Variants in AAK1 observed in about 807,000 individuals in gnomAD.
The protein encoded by AAK1 is AP2-associated protein kinase 1.
In AAK1, 37 loss-of-function variants were observed where a neutral mutation model predicts 116.0. That is an observed-to-expected ratio of 0.32 (90% CI 0.25 to 0.42). The LOEUF is 0.42. Ranked by LOEUF, AAK1 falls within the 10% of genes least tolerant of loss-of-function variation. The probability of loss-of-function intolerance (pLI) is 1.00; values close to 1 mark genes in which losing one functional copy is unlikely to be tolerated. For missense variants in AAK1, 919 were observed against 1,170.6 expected (o/e 0.79, Z 3.14); for synonymous variants, 458 against 439.9 (o/e 1.04, Z -0.51).
At chr2:69,526,866 G>A (rs555899423) in intron 9 of AAK1, among the ~76,000 whole-genome samples, 64 of 152,300 alleles carry the variant, frequency 4.2e-4, no homozygotes, top group Admixed American at 7.8e-4. Context: ...GCATTGCCTC[G>A]GGAAAGTAGC....
chr2:69,544,472 C>T lies in AAK1; in HGVS notation c.355G>A (p.Val119Ile). Residue 119 changes from valine to isoleucine, a missense_variant, in exon 4 of 22, where the codon GTA (valine) becomes ATA (isoleucine). This residue lies in a region of AAK1 where 317 missense variants were observed against 490.4 expected (regional missense o/e 0.65). Transcript: ENST00000409085. Reference protein sequence around the residue: ...SSINNVSSGDVWEVLILMDFC... With the variant: ...SSINNVSSGDIWEVLILMDFC... ...TCCATCAGAATGAGCACTTCCCATA[C>T]ATCACCGCTACTCACGTTGTTGATA... The T allele has an allele frequency of 6.2e-7, 1 of 1,613,826 alleles. No homozygotes were observed. Among genetic ancestry groups the T allele is most frequent in the Non-Finnish European group, 8.5e-7 (1 of 1,179,756 alleles).
At position 69,473,833 on chromosome 2, in the gene AAK1, A is replaced by G. The variant is rs968976028; in HGVS notation, c.*2036T>C. ...TTTATACATTCTTTCTATGTCCAGG[A>G]AAGAGAATACAATTCTGACCTGCAG... On this transcript the variant is annotated 3_prime_UTR_variant, in exon 22 of 22. Coordinates refer to ENST00000409085, the MANE Select transcript of AAK1 (RefSeq NM_014911.5). 4.1e-6 allele frequency: 4 copies of G among 985,714 alleles called. No individual in the cohort carries two copies. The highest frequency in any genetic ancestry group is 6.2e-5 in the Admixed American group (1 of 16,256). The allele number at this position is 985,714 out of a possible 1,614,324, so 61.1% of individuals were successfully genotyped here.
At chr2:69,516,134 T>A (rs2871964) in intron 12 of AAK1, among the ~76,000 whole-genome samples, 96,031 of 151,990 alleles carry the variant, frequency 0.63, 30,938 homozygotes, top group East Asian at 0.79. Context: ...AAACAATGCA[T>A]ATAAACCGGT....
intron 2 of AAK1, among the ~76,000 whole-genome samples, chr2:69,571,725 A>G (rs891695997): frequency 1.2e-4 from 18 of 152,252 alleles, no homozygotes; most frequent in Non-Finnish European, 2.1e-4. Context: ...CAGTACTTGC[A>G]TTAGTATACT....
chr2:69,575,301 G>A (rs1672260642), intron 2 of AAK1, among the ~76,000 whole-genome samples: 1 of 133,792 alleles, frequency 7.5e-6, no homozygotes, highest in Admixed American at 7.9e-5. Context: ...TTTGTCTCTG[G>A]TATAAAACCA....
chr2:69,541,374 G>T (rs1670714744), intron 5 of AAK1, among the ~76,000 whole-genome samples: 2 of 151,766 alleles, frequency 1.3e-5, no homozygotes, highest in South Asian at 4.2e-4. Flanking sequence ...GGGACTATAG[G>T]CATGCGCTAC....
chr2:69,619,870 G>T (rs1367158382), intron 2 of AAK1, among the ~76,000 whole-genome samples: 3 of 152,160 alleles, frequency 2.0e-5, no homozygotes, highest in African/African-American at 7.2e-5. Flanking sequence ...ATAACCAGAG[G>T]AGAAGAGTAA....
intron 2 of AAK1, among the ~76,000 whole-genome samples, chr2:69,642,575 C>T (rs1675788403): frequency 6.6e-6 from 1 of 152,038 alleles, no homozygotes; most frequent in African/African-American, 2.4e-5. Context: ...TGGCATAAAG[C>T]TTTACACTTT....
At chr2:69,506,967 T>TA (rs1676209239) in intron 15 of AAK1, among the ~76,000 whole-genome samples, 1 of 152,224 alleles carries the variant, frequency 6.6e-6, no homozygotes, top group East Asian at 1.9e-4. Flanking sequence ...TCTTTCTGTG[T>TA]AGTACAGTAA....
Position 69,464,585 on chromosome 2 carries a change from T to C in AAK1, c.*11284A>G, listed in dbSNP as rs1296297672. 6.6e-6 allele frequency: 1 copy of C among 152,604 alleles called. No homozygotes were observed. The highest frequency in any genetic ancestry group is 6.5e-5 in the Admixed American group (1 of 15,280). The allele number at this position is 152,604 out of a possible 1,614,324, so 9.5% of individuals were successfully genotyped here. A position where few individuals can be genotyped will look rare whatever the true frequency, so the allele number is the denominator to read the frequency against. ...AAACACCAAAAAACGAGTGATTTCA[T>C]TGTGGAGGTAGGCATGATGGGGCAG... On this transcript the variant is annotated 3_prime_UTR_variant, in exon 22 of 22. Coordinates refer to ENST00000409085, the MANE Select transcript of AAK1 (RefSeq NM_014911.5).
At chr2:69,602,427 ATATAAT>A (rs1189169212) in intron 2 of AAK1, among the ~76,000 whole-genome samples, 4 of 152,146 alleles carry the variant, frequency 2.6e-5, no homozygotes, top group Non-Finnish European at 5.9e-5. Context: ...TATATACTGT[ATATAAT>A]TATAAAGGGA....
chr2:69,474,506 T>C lies in AAK1; in HGVS notation c.*1363A>G, dbSNP rs968915137. ...GCCTTTATTTATTTTATGAACAATA[T>C]CCTAAAGTTAATAAAGAACTATGCT... On this transcript the variant is annotated 3_prime_UTR_variant, in exon 22 of 22. Coordinates refer to ENST00000409085, the MANE Select transcript of AAK1 (RefSeq NM_014911.5). The C allele has an allele frequency of 1.9e-5, 19 of 984,624 alleles. No individual in the cohort carries two copies. In the East Asian group the frequency reaches 1.2e-3, roughly 65 times the overall value. 61.0% of individuals were successfully genotyped at this position (984,624 alleles called of 1,614,324 possible).
intron 11 of AAK1, among the ~76,000 whole-genome samples, chr2:69,520,461 C>A (rs1367577062): frequency 6.6e-6 from 1 of 150,854 alleles, no homozygotes; most frequent in Non-Finnish European, 1.5e-5. Context: ...CAGGTTCAAG[C>A]GATTCTCCTG....
At chr2:69,505,775 G>C in intron 15 of AAK1, 102 bp from the exon 16 acceptor site, 1 of 774,546 alleles carries the variant, frequency 1.3e-6, no homozygotes, top group Non-Finnish European at 2.1e-6. Flanking sequence ...TTCTGGACTT[G>C]ACTACTTTTA....
At position 69,460,594 on chromosome 2, in the gene AAK1, A is replaced by G. The variant is rs7581876; in HGVS notation, c.*15275T>C. 103,359 of 151,572 alleles carry G rather than the reference A, an allele frequency of 0.68. 36,819 individuals are homozygous for G. The highest frequency in any genetic ancestry group is 0.91 in the African/African-American group (37,603 of 41,368). The allele number at this position is 151,572 out of a possible 1,614,324, so 9.4% of individuals were successfully genotyped here. ...CCAGAGAAAACTCAGATACAACATG[A>G]GCCTCTAAACACATACACTCTAGTC... is the stretch of plus-strand genomic sequence containing the variant. On this transcript the variant is annotated 3_prime_UTR_variant, in exon 22 of 22. Coordinates refer to ENST00000409085, the MANE Select transcript of AAK1 (RefSeq NM_014911.5).
At chr2:69,643,482 C>G in intron 1 of AAK1, 93 bp downstream of exon 1, 2 of 1,216,080 alleles carry the variant, frequency 1.6e-6, no homozygotes, top group Non-Finnish European at 2.0e-6. Flanking sequence ...GGGATCCGAG[C>G]TGCTCCGGCA....
At position 69,591,781 on chromosome 2, in the gene AAK1, G is replaced by T. The variant is rs1336543637; in HGVS notation, c.164-34803C>A. On this transcript the variant is annotated intron_variant, in intron 2 of 21. Transcript: ENST00000409085. ...AGACGGGGTTTCATCATTTTGGTCA[G>T]GCTGGTCTCAAACTCCTGACCTCGT... 2.0e-5 allele frequency among the ~76,000 whole-genome samples: 3 copies of T among 152,006 alleles called. No individual in the cohort carries two copies. The East Asian group carries it at 5.8e-4, about 29-fold the overall frequency.
At chr2:69,549,605 T>C (rs1416454994) in intron 3 of AAK1, among the ~76,000 whole-genome samples, 1 of 152,172 alleles carries the variant, frequency 6.6e-6, no homozygotes, top group Non-Finnish European at 1.5e-5. Context: ...AGACCAGCAC[T>C]ATCACCTTCT....
intron 5 of AAK1, among the ~76,000 whole-genome samples, chr2:69,539,290 G>A (rs948322812): frequency 2.0e-5 from 3 of 152,108 alleles, no homozygotes; most frequent in Non-Finnish European, 2.9e-5. Context: ...TTGGCAATAC[G>A]GAGGAAGCTG....
Sources: gnomAD v4.1 joint callset for allele counts (sites outside exome capture counted in the v4.1 genomes callset) on GRCh38, gnomAD v4.1.1 for gene constraint, gnomAD v4.1.1 regional missense constraint, MANE v1.5 for transcripts, NCBI Gene and HGNC (gene_info 2026-07-23, HGNC 2026-07-21) for gene names.